Variants in COL4A4 observed in about 807,000 individuals in gnomAD.
COL4A4 encodes the protein collagen type IV alpha 4 chain, also known as collagen alpha-4(IV) chain.
Under a neutral mutation model 192.9 loss-of-function variants are expected in COL4A4, and 105 were observed. That is an observed-to-expected ratio of 0.54 (90% CI 0.46 to 0.64). COL4A4 has a LOEUF of 0.64. Among genes scored for constraint, COL4A4 ranks in the 30% least tolerant of loss-of-function variants. The pLI, the probability that COL4A4 is intolerant of heterozygous loss-of-function variation, is 0.00. For missense variants in COL4A4, 1,967 were observed against 2,169.3 expected (o/e 0.91, Z 1.85); for synonymous variants, 762 against 769.9 (o/e 0.99, Z 0.17).
At chr2:227,029,576 G>T (rs1967803697) in intron 41 of COL4A4, among the ~76,000 whole-genome samples, 1 of 152,156 alleles carries the variant, frequency 6.6e-6, no homozygotes, top group African/African-American at 2.4e-5. Context: ...CAGGCAAGGT[G>T]CTCGTTACTG....
At chr2:227,136,758 C>T (rs1018499445) in intron 4 of COL4A4, among the ~76,000 whole-genome samples, 1 of 152,182 alleles carries the variant, frequency 6.6e-6, no homozygotes. Flanking sequence ...CCTACTACTA[C>T]CTACTGCTAC....
At chr2:227,108,766 A>C in intron 11 of COL4A4, 67 bp downstream of exon 11, 1 of 1,546,728 alleles carries the variant, frequency 6.5e-7, no homozygotes, top group Non-Finnish European at 8.9e-7. Context: ...TCATTCTGAC[A>C]AATATCAGTG....
Position 227,108,544 on chromosome 2 carries a change from TCACCATCTGCTCCTCAG to T in COL4A4, c.735+20_735+36del. 1 of 1,601,650 alleles carries T rather than the reference TCACCATCTGCTCCTCAG, an allele frequency of 6.2e-7. No individual in the cohort carries two copies. The highest frequency in any genetic ancestry group is 8.6e-7 in the Non-Finnish European group (1 of 1,168,714). ...TCCACCCCTGAGCAGCACACACACG[TCACCATCTGCTCCTCAG>T]AGCAAGAGGGAATTCTTACCGGGTC... On this transcript the variant is annotated intron_variant, in intron 12 of 47. Transcript: ENST00000396625.
intron 25 of COL4A4, among the ~76,000 whole-genome samples, chr2:227,065,866 C>T (rs2058302490): frequency 6.6e-6 from 1 of 152,256 alleles, no homozygotes; most frequent in East Asian, 1.9e-4. Context: ...TGGAACAAAG[C>T]TGGACGGAGA....
the COL4A4 span, among the ~76,000 whole-genome samples, chr2:226,968,457 C>T: frequency 7.9e-5 from 12 of 152,242 alleles, no homozygotes; most frequent in East Asian, 1.4e-3. Context: ...GCCTTTTAAC[C>T]GATTGAATCA....
intron 6 of COL4A4, among the ~76,000 whole-genome samples, 186 bp from the exon 7 acceptor site, chr2:227,118,947 A>G (rs2061631333): frequency 6.6e-6 from 1 of 152,196 alleles, no homozygotes. Flanking sequence ...TTTTTTTAAG[A>G]TAACAAATTT....
the COL4A4 span, among the ~76,000 whole-genome samples, chr2:226,971,532 CT>C: frequency 6.6e-6 from 1 of 152,176 alleles, no homozygotes; most frequent in Admixed American, 6.5e-5. Flanking sequence ...GCTTATTTGA[CT>C]TTTGATAAGT....
chr2:227,111,527 T>C, intron 9 of COL4A4, 151 bp downstream of exon 9: 1 of 805,902 alleles, frequency 1.2e-6, no homozygotes, highest in Non-Finnish European at 2.1e-6. Flanking sequence ...CATCTTGAAA[T>C]GCTTAATAAT....
chr2:227,051,451 C>A (rs1021493544), intron 32 of COL4A4, among the ~76,000 whole-genome samples: 1 of 152,174 alleles, frequency 6.6e-6, no homozygotes, highest in Non-Finnish European at 1.5e-5. Flanking sequence ...AAAATATTTG[C>A]CCTCTAACAA....
At chr2:226,979,498 A>G in the COL4A4 span, among the ~76,000 whole-genome samples, 1 of 152,094 alleles carries the variant, frequency 6.6e-6, no homozygotes, top group South Asian at 2.1e-4. Flanking sequence ...CCATCCTCCC[A>G]TTGCACAGGT....
At chr2:227,046,791 A>AC (rs1972966847) in intron 35 of COL4A4, among the ~76,000 whole-genome samples, 2 of 151,714 alleles carry the variant, frequency 1.3e-5, no homozygotes, top group East Asian at 1.9e-4. Flanking sequence ...TAACACTGGC[A>AC]CCCCCCTTCT....
chr2:227,051,990 G>A (rs545437745), intron 32 of COL4A4, among the ~76,000 whole-genome samples: 2 of 152,236 alleles, frequency 1.3e-5, no homozygotes, highest in African/African-American at 2.4e-5. Context: ...AGGAGTTTGA[G>A]ACCAGCCTGG....
chr2:227,147,287 AC>A (rs773185285), intron 2 of COL4A4, 125 bp downstream of exon 2: 1 of 889,856 alleles, frequency 1.1e-6, no homozygotes, highest in Non-Finnish European at 1.9e-6. Context: ...TGGCAGACAT[AC>A]CCTTAGCTTT....
chr2:227,089,600 T>A (rs1353450163), intron 21 of COL4A4, among the ~76,000 whole-genome samples: 1 of 137,510 alleles, frequency 7.3e-6, no homozygotes, highest in Non-Finnish European at 1.5e-5. Flanking sequence ...TATATATATA[T>A]ATATATATAC....
At chr2:226,976,510 G>T in the COL4A4 span, among the ~76,000 whole-genome samples, 1 of 151,942 alleles carries the variant, frequency 6.6e-6, no homozygotes. Flanking sequence ...CCTCTTCTTT[G>T]ACTATCCCAT....
At chr2:227,062,942 A>G (rs897637752) in intron 25 of COL4A4, among the ~76,000 whole-genome samples, 2 of 152,248 alleles carry the variant, frequency 1.3e-5, no homozygotes, top group African/African-American at 4.8e-5. Context: ...TAATAATGTA[A>G]TGGAGATCTA....
At chr2:227,012,125 G>T in intron 45 of COL4A4, 56 bp downstream of exon 45, 1 of 1,383,392 alleles carries the variant, frequency 7.2e-7, no homozygotes, top group Non-Finnish European at 1.0e-6. Flanking sequence ...CAGAGATTTT[G>T]TATACAACTC....
intron 28 of COL4A4, 103 bp downstream of exon 28, chr2:227,059,302 T>C (rs1329248627): frequency 3.1e-6 from 3 of 979,656 alleles, no homozygotes; most frequent in Admixed American, 1.7e-5. Flanking sequence ...GTAAACTGTT[T>C]ATATTCTACA....
At chr2:227,021,062 T>TCA (rs989017251) in intron 44 of COL4A4, among the ~76,000 whole-genome samples, 2 of 151,930 alleles carry the variant, frequency 1.3e-5, no homozygotes, top group Non-Finnish European at 2.9e-5. Flanking sequence ...AGACAAGGTC[T>TCA]CACCATGTTG....
Sources: gnomAD v4.1 joint callset for allele counts (sites outside exome capture counted in the v4.1 genomes callset) on GRCh38, gnomAD v4.1.1 for gene constraint, MANE v1.5 for transcripts, NCBI Gene and HGNC (gene_info 2026-07-23, HGNC 2026-07-21) for gene names.